Variants in MAPK10 observed in about 807,000 individuals in gnomAD.
MAPK10 encodes JNK3 alpha protein kinase.
In MAPK10, 25 loss-of-function variants were observed where a neutral mutation model predicts 59.3. The ratio of observed to expected loss-of-function variants is 0.42; its 90% CI spans 0.31 to 0.59. The LOEUF is 0.59. MAPK10 is among the 20% of genes least tolerant of loss of function. The pLI is 0.15. For synonymous variants in MAPK10, 190 were observed against 200.5 expected (o/e 0.95, Z 0.44); for missense variants, 351 against 568.9 (o/e 0.62, Z 3.90).
chr4:86,518,921 T>C (rs1756910311), intron 1 of MAPK10, among the ~76,000 whole-genome samples: 1 of 152,162 alleles, frequency 6.6e-6, no homozygotes, highest in Non-Finnish European at 1.5e-5. Flanking sequence ...ATTTGTATAG[T>C]TTTGAGGGTT....
chr4:86,563,585 A>G (rs79889821), intron 1 of MAPK10, among the ~76,000 whole-genome samples: 7,133 of 152,224 alleles, frequency 0.047, 220 homozygotes, highest in African/African-American at 0.059. Flanking sequence ...AGTCCTCCCC[A>G]TTTGTCCTTG....
chr4:86,562,449 G>T (rs1760749356), intron 1 of MAPK10, among the ~76,000 whole-genome samples: 1 of 152,124 alleles, frequency 6.6e-6, no homozygotes, highest in Non-Finnish European at 1.5e-5. Context: ...AGCACTTTGG[G>T]AGGCCAAGGC....
intron 1 of MAPK10, among the ~76,000 whole-genome samples, chr4:86,555,863 A>G (rs1254802989): frequency 2.0e-5 from 3 of 152,206 alleles, no homozygotes; most frequent in African/African-American, 7.2e-5. Context: ...GAGTCAGGAA[A>G]ATAAAGAATG....
Position 86,354,636 on chromosome 4 carries a change from C to T in MAPK10, c.-113G>A. The T allele has an allele frequency of 8.2e-7, 1 of 1,213,414 alleles. No individual in the cohort carries two copies. Among genetic ancestry groups the T allele is most frequent in the Non-Finnish European group, 1.0e-6 (1 of 971,034 alleles). 75.2% of individuals were successfully genotyped at this position (1,213,414 alleles called of 1,614,324 possible). On this transcript the variant is annotated 5_prime_UTR_variant, in exon 2 of 14. Coordinates refer to ENST00000641462, the MANE Select transcript of MAPK10 (RefSeq NM_138982.4). Reference sequence around the variant, plus strand: ...AGATGGGCCTGCTGTTGGTGTTTCTCACACTAGCCTGAAAGCAAAGCCAAA... The same window carrying T: ...AGATGGGCCTGCTGTTGGTGTTTCTTACACTAGCCTGAAAGCAAAGCCAAA...
chr4:86,384,741 T>C (rs1450949656), intron 1 of MAPK10, among the ~76,000 whole-genome samples: 1 of 152,226 alleles, frequency 6.6e-6, no homozygotes, highest in Non-Finnish European at 1.5e-5. Flanking sequence ...ATGTACAAGC[T>C]GACAAAAGTG....
intron 1 of MAPK10, among the ~76,000 whole-genome samples, chr4:86,417,610 A>G (rs1019823248): frequency 6.6e-6 from 1 of 152,188 alleles, no homozygotes; most frequent in Non-Finnish European, 1.5e-5. Flanking sequence ...GTTATGTTTA[A>G]TATCCACATA....
At chr4:86,131,005 T>G (rs1263004260) in intron 4 of MAPK10, among the ~76,000 whole-genome samples, 6 of 152,012 alleles carry the variant, frequency 3.9e-5, no homozygotes, top group Non-Finnish European at 8.8e-5. Flanking sequence ...GGGAAGATAG[T>G]GAAAGCTTAT....
intron 1 of MAPK10, among the ~76,000 whole-genome samples, chr4:86,387,168 G>A (rs186174258): frequency 1.6e-4 from 25 of 152,258 alleles, no homozygotes; most frequent in African/African-American, 5.3e-4. Context: ...TGAAGCAGCC[G>A]GAGGGGCACA....
chr4:86,043,727 T>C (rs916789440), intron 11 of MAPK10, among the ~76,000 whole-genome samples: 1 of 152,170 alleles, frequency 6.6e-6, no homozygotes, highest in South Asian at 2.1e-4. Flanking sequence ...TACAGTGTCC[T>C]GGGTTTTCCT....
intron 1 of MAPK10, among the ~76,000 whole-genome samples, chr4:86,583,076 G>C (rs1424259382): frequency 1.3e-5 from 2 of 151,952 alleles, no homozygotes; most frequent in Non-Finnish European, 2.9e-5. Context: ...TCACCACCCA[G>C]TGAACACTAA....
At chr4:86,446,359 T>G (rs1750037255) in intron 1 of MAPK10, among the ~76,000 whole-genome samples, 1 of 152,110 alleles carries the variant, frequency 6.6e-6, no homozygotes, top group South Asian at 2.1e-4. Context: ...TAGTTGAGAA[T>G]TACATTACCT....
At chr4:86,436,348 A>T (rs1748713967) in intron 1 of MAPK10, among the ~76,000 whole-genome samples, 1 of 152,182 alleles carries the variant, frequency 6.6e-6, no homozygotes, top group African/African-American at 2.4e-5. Flanking sequence ...TGAGGCAGAA[A>T]ATTACTAAAA....
chr4:86,093,937 C>T (rs889553137), intron 9 of MAPK10, among the ~76,000 whole-genome samples: 42 of 151,460 alleles, frequency 2.8e-4, no homozygotes, highest in Non-Finnish European at 5.2e-4. Flanking sequence ...GAAAGAATGC[C>T]TACTAAATTG....
chr4:86,372,333 A>G (rs1209096839), intron 1 of MAPK10, among the ~76,000 whole-genome samples: 1 of 151,980 alleles, frequency 6.6e-6, no homozygotes, highest in East Asian at 1.9e-4. Flanking sequence ...CTTAGTCAAC[A>G]TGGTGAAACC....
At chr4:86,523,153 TTTA>T (rs1675145549) in intron 1 of MAPK10, among the ~76,000 whole-genome samples, 1 of 152,224 alleles carries the variant, frequency 6.6e-6, no homozygotes, top group African/African-American at 2.4e-5. Flanking sequence ...TACCTTTATG[TTTA>T]TTAATAGGTA....
intron 11 of MAPK10, among the ~76,000 whole-genome samples, chr4:86,039,008 T>C (rs2040931523): frequency 1.3e-5 from 2 of 152,196 alleles, no homozygotes; most frequent in Non-Finnish European, 2.9e-5. Context: ...TATTAAAAAT[T>C]GCTTCAGCAA....
intron 1 of MAPK10, among the ~76,000 whole-genome samples, chr4:86,576,024 T>TGTGTGTGTG (rs1554284007): frequency 2.0e-5 from 3 of 150,260 alleles, no homozygotes; most frequent in Admixed American, 6.7e-5. Context: ...TGTGTGTGTA[T>TGTGTGTGTG]TATATATTGC....
intron 3 of MAPK10, among the ~76,000 whole-genome samples, chr4:86,170,062 G>A (rs1044588155): frequency 2.2e-4 from 33 of 151,920 alleles, no homozygotes; most frequent in African/African-American, 7.2e-4. Flanking sequence ...TGAAGGAAGC[G>A]CTAAACATGG....
intron 2 of MAPK10, among the ~76,000 whole-genome samples, chr4:86,235,493 T>A (rs773474515): frequency 3.3e-5 from 5 of 152,226 alleles, no homozygotes; most frequent in Non-Finnish European, 7.3e-5. Flanking sequence ...TTGTGCTCTT[T>A]CCTGTATATA....
Sources: allele counts gnomAD v4.1 joint callset (sites outside exome capture counted in the v4.1 genomes callset), GRCh38; gene constraint gnomAD v4.1.1; transcripts MANE v1.5; gene names NCBI Gene and HGNC (gene_info 2026-07-23, HGNC 2026-07-21).